SERPINE2: variants seen among roughly 807,000 people sequenced by gnomAD.
SERPINE2 encodes serpin family E member 2, also known as glia-derived nexin.
SERPINE2 carries 14 observed loss-of-function variants against 36.3 expected under a neutral mutation model. That is an observed-to-expected ratio of 0.39 (90% CI 0.25 to 0.60). The LOEUF (loss-of-function observed/expected upper bound fraction) is 0.60, where lower values mean the gene tolerates loss of function less well. Among genes scored for constraint, SERPINE2 ranks in the 20% least tolerant of loss-of-function variants. The pLI is 0.57. For missense variants in SERPINE2, 418 were observed against 499.6 expected, an observed-to-expected ratio of 0.84 and a Z score of 1.56; for synonymous variants, 192 against 191.8, an observed-to-expected ratio of 1.00 and a Z score of -0.01.
At chr2:223,982,420 C>T (rs1361738344) in intron 6 of SERPINE2, 10 of 309,278 alleles carry the variant, frequency 3.2e-5, no homozygotes, top group Non-Finnish European at 4.8e-5. Flanking sequence ...CAGACTTCAT[C>T]GCTATATAAA....
intron 1 of SERPINE2, chr2:224,038,719 G>T: frequency 1.7e-6 from 1 of 602,330 alleles, no homozygotes; most frequent in Non-Finnish European, 3.0e-6. Context: ...CGAGCAGCTG[G>T]AAACCTCAGG....
chr2:224,022,159 A>C (rs1306597976), intron 1 of SERPINE2, among the ~76,000 whole-genome samples: 9 of 28,942 alleles, frequency 3.1e-4, no homozygotes, highest in Admixed American at 9.0e-4. Context: ...ACTCCTTCTC[A>C]AAAAAAAAAA....
intron 3 of SERPINE2, among the ~76,000 whole-genome samples, chr2:223,992,232 C>A (rs1303707558): frequency 2.0e-5 from 3 of 152,128 alleles, no homozygotes; most frequent in Non-Finnish European, 4.4e-5. Flanking sequence ...AAACCCCTAG[C>A]TAGGGGTTAC....
At chr2:224,008,355 G>C (rs1263551257) in intron 1 of SERPINE2, among the ~76,000 whole-genome samples, 2 of 152,150 alleles carry the variant, frequency 1.3e-5, no homozygotes, top group Non-Finnish European at 2.9e-5. Flanking sequence ...TCAACTACTT[G>C]GTTGCCCTGA....
intron 1 of SERPINE2, among the ~76,000 whole-genome samples, chr2:224,036,205 G>A (rs763205773): frequency 6.6e-6 from 1 of 152,010 alleles, no homozygotes; most frequent in Non-Finnish European, 1.5e-5. Context: ...GGTGAGAGTC[G>A]AAGCTGTGGG....
intron 5 of SERPINE2, 94 bp from the exon 6 acceptor site, chr2:223,982,875 G>T: frequency 1.2e-6 from 1 of 814,230 alleles, no homozygotes. Flanking sequence ...TTCTTTTAAA[G>T]TTAATATCTG....
rs368151964 is a variant in SERPINE2, at chr2:223,990,517, G to GT, written c.685+1285dup. ...CATTTTAATCTTGAACTATTAACTT[G>GT]TTTTTTTTTTCAGCAAGAGAAACAT... is the stretch of plus-strand genomic sequence containing the variant. On this transcript the variant is annotated intron_variant, in intron 4 of 8. Coordinates refer to ENST00000409304, the MANE Select transcript of SERPINE2 (RefSeq NM_001136528.2). Among the ~76,000 whole-genome samples the GT allele has an allele frequency of 9.5e-4, 139 of 146,452 alleles. 1 individual carries two copies. Among genetic ancestry groups the GT allele is most frequent in the African/African-American group, 2.3e-3 (92 of 40,034 alleles).
At chr2:224,007,955 T>C (rs1691487633) in intron 1 of SERPINE2, among the ~76,000 whole-genome samples, 1 of 152,168 alleles carries the variant, frequency 6.6e-6, no homozygotes, top group Non-Finnish European at 1.5e-5. Flanking sequence ...TGGCCACGCT[T>C]TTTTCTTTGT....
At chr2:224,012,538 G>A (rs796971328) in intron 1 of SERPINE2, among the ~76,000 whole-genome samples, 26 of 149,890 alleles carry the variant, frequency 1.7e-4, no homozygotes, top group African/African-American at 5.9e-4. Flanking sequence ...AGGAGGCAGA[G>A]CTTGCAGTGA....
intron 1 of SERPINE2, among the ~76,000 whole-genome samples, chr2:224,031,767 C>T (rs1692388396): frequency 6.7e-6 from 1 of 149,520 alleles, no homozygotes; most frequent in Non-Finnish European, 1.5e-5. Flanking sequence ...CCACCCCCCC[C>T]GCCGGCTGGA....
chr2:223,996,014 T>A (rs2106156388), intron 3 of SERPINE2, among the ~76,000 whole-genome samples: 1 of 152,358 alleles, frequency 6.6e-6, no homozygotes, highest in East Asian at 1.9e-4. Context: ...ATATGATGTA[T>A]GAATTTCATT....
At chr2:224,012,503 T>A (rs892046885) in intron 1 of SERPINE2, among the ~76,000 whole-genome samples, 4 of 151,228 alleles carry the variant, frequency 2.6e-5, no homozygotes, top group African/African-American at 9.7e-5. Context: ...CTTGGGAGGC[T>A]GAGGCAGGAG....
At chr2:223,977,472 T>A in intron 8 of SERPINE2, 72 bp downstream of exon 8, 1 of 947,014 alleles carries the variant, frequency 1.1e-6, no homozygotes, top group Non-Finnish European at 1.7e-6. Flanking sequence ...CACTGTTGGA[T>A]ATAATGAAGA....
chr2:223,980,426 C>G, intron 6 of SERPINE2, 29 bp from the exon 7 acceptor site: 1 of 1,593,208 alleles, frequency 6.3e-7, no homozygotes, highest in South Asian at 1.1e-5. Context: ...ACAGTATCAG[C>G]ATTTGTTTGA....
intron 1 of SERPINE2, among the ~76,000 whole-genome samples, chr2:224,036,260 G>A (rs912815942): frequency 1.3e-5 from 2 of 151,258 alleles, no homozygotes; most frequent in African/African-American, 2.4e-5. Flanking sequence ...GGATGACAGC[G>A]AACCCTGGGT....
At chr2:224,028,900 A>C (rs530056921) in intron 1 of SERPINE2, among the ~76,000 whole-genome samples, 7 of 152,376 alleles carry the variant, frequency 4.6e-5, no homozygotes, top group Admixed American at 1.3e-4. Context: ...AGAGCAGTAC[A>C]CAAGCACAAT....
intron 1 of SERPINE2, among the ~76,000 whole-genome samples, chr2:224,015,935 A>G (rs4674843): frequency 0.23 from 34,764 of 152,070 alleles, 4,035 homozygotes; most frequent in Middle Eastern, 0.27. Context: ...TTAAACCCCA[A>G]CTGTAAAAAA....
chr2:223,994,550 A>G (rs1690804214), intron 3 of SERPINE2, among the ~76,000 whole-genome samples: 1 of 152,308 alleles, frequency 6.6e-6, no homozygotes, highest in East Asian at 1.9e-4. Flanking sequence ...ATAAGAAACC[A>G]AGAAGGAAAT....
chr2:224,026,332 G>T (rs993560143), intron 1 of SERPINE2, among the ~76,000 whole-genome samples: 1 of 152,204 alleles, frequency 6.6e-6, no homozygotes, highest in African/African-American at 2.4e-5. Flanking sequence ...CTAATTCAAC[G>T]TTCAATATCT....
Sources: gnomAD v4.1 joint callset for allele counts (sites outside exome capture counted in the v4.1 genomes callset) on GRCh38, gnomAD v4.1.1 for gene constraint, MANE v1.5 for transcripts, NCBI Gene and HGNC (gene_info 2026-07-23, HGNC 2026-07-21) for gene names.